FGF13: variants seen among roughly 807,000 people sequenced by gnomAD.
FGF13 encodes the protein fibroblast growth factor 13.
FGF13 carries 2 observed loss-of-function variants against 19.5 expected under a neutral mutation model. The ratio of observed to expected loss-of-function variants is 0.10; its 90% CI spans 0.04 to 0.32. The LOEUF is 0.32. Ranked by LOEUF, FGF13 falls within the 10% of genes least tolerant of loss-of-function variation. The pLI is 1.00. For synonymous variants in FGF13, 72 were observed against 76.9 expected (o/e 0.94, Z 0.33); for missense variants, 113 against 192.7 (o/e 0.59, Z 2.45).
chrX:138,695,797 A>G (rs1446817919), intron 3 of FGF13, among the ~76,000 whole-genome samples: 1 of 112,485 alleles, frequency 8.9e-6, no homozygotes, highest in African/African-American at 3.2e-5. Context: ...GTAAATATGT[A>G]TTGAGAAAAC....
At chrX:138,833,110 T>C (rs2091086746) in intron 3 of FGF13, among the ~76,000 whole-genome samples, 2 of 112,331 alleles carry the variant, frequency 1.8e-5, no homozygotes, top group Admixed American at 1.9e-4. Context: ...TGCCTCCTAC[T>C]TTGTTCTTTT....
chrX:139,190,648 G>A (rs1403818550), intron 1 of FGF13, among the ~76,000 whole-genome samples: 1 of 111,862 alleles, frequency 8.9e-6, no homozygotes, highest in Non-Finnish European at 1.9e-5. Context: ...AAGGATCTGT[G>A]GAGCATGGTG....
At chrX:138,933,455 A>G (rs2091715322) in intron 1 of FGF13, among the ~76,000 whole-genome samples, 1 of 111,288 alleles carries the variant, frequency 9.0e-6, no homozygotes, top group Admixed American at 9.5e-5. Flanking sequence ...TGGAGAGAGA[A>G]AAAGTTGTGT....
At chrX:139,138,355 T>C (rs954257277) in intron 1 of FGF13, among the ~76,000 whole-genome samples, 1 of 111,733 alleles carries the variant, frequency 8.9e-6, no homozygotes, top group East Asian at 2.8e-4. Context: ...GAAGCTATTA[T>C]AGAAACCAAT....
intron 1 of FGF13, among the ~76,000 whole-genome samples, chrX:139,088,821 A>C (rs149403629): frequency 0.025 from 2,742 of 111,753 alleles, 94 homozygotes; most frequent in African/African-American, 0.085. Context: ...CTCGAAGTTC[A>C]TGGCTTTTGG....
At position 139,050,936 on chromosome X, in the gene FGF13, T is replaced by C. The variant is rs747308709; in HGVS notation, c.-113+152480A>G. Among the ~76,000 whole-genome samples the C allele has an allele frequency of 2.9e-4, 33 of 112,100 alleles. No individual in the cohort carries two copies. The South Asian group carries it at 0.012, about 42-fold the overall frequency. On this transcript the variant is annotated intron_variant, in intron 1 of 2. Transcript: ENST00000421460. ...ATCTTTTATATAGGTGTGAGAAGCA[T>C]TGCCTCAACTTCAAATTCTTCAGTC...
intron 1 of FGF13, among the ~76,000 whole-genome samples, chrX:139,098,976 G>A (rs1288668903): frequency 1.8e-5 from 2 of 111,627 alleles, no homozygotes; most frequent in Non-Finnish European, 3.8e-5. Context: ...ACTCCCCTGA[G>A]TTAGCAACCT....
At chrX:139,130,902 C>G (rs1023611601) in intron 1 of FGF13, among the ~76,000 whole-genome samples, 1 of 111,195 alleles carries the variant, frequency 9.0e-6, no homozygotes, top group African/African-American at 3.3e-5. Flanking sequence ...ATTACGTTTT[C>G]GTATTAATAT....
intron 1 of FGF13, among the ~76,000 whole-genome samples, chrX:138,891,410 T>A (rs746991000): frequency 8.1e-5 from 9 of 111,574 alleles, no homozygotes; most frequent in Non-Finnish European, 1.5e-4. Context: ...TATTTCTGTA[T>A]CCTCATGTTG....
intron 3 of FGF13, among the ~76,000 whole-genome samples, chrX:138,791,760 G>T (rs1411215886): frequency 8.9e-6 from 1 of 111,883 alleles, no homozygotes; most frequent in East Asian, 2.8e-4. Context: ...GGAGCATTCA[G>T]CTAGAAAAGT....
intron 1 of FGF13, among the ~76,000 whole-genome samples, chrX:138,732,670 G>T: frequency 1.8e-5 from 2 of 111,121 alleles, no homozygotes; most frequent in Admixed American, 1.9e-4. Context: ...GGAATAAATT[G>T]CACGAGTATG....
intron 1 of FGF13, among the ~76,000 whole-genome samples, chrX:139,194,769 C>T (rs1341671581): frequency 8.9e-6 from 1 of 111,890 alleles, no homozygotes; most frequent in Admixed American, 9.3e-5. Context: ...CTGCAACGTG[C>T]CCGCGGTCTA....
At chrX:138,764,414 T>C (rs1301915823) in intron 3 of FGF13, among the ~76,000 whole-genome samples, 2 of 112,717 alleles carry the variant, frequency 1.8e-5, no homozygotes, top group Non-Finnish European at 3.7e-5. Context: ...AGGCATACAC[T>C]CTAGTGTAGG....
intron 3 of FGF13, among the ~76,000 whole-genome samples, chrX:138,775,749 AT>A (rs1213105596): frequency 8.9e-6 from 1 of 112,410 alleles, no homozygotes; most frequent in Non-Finnish European, 1.9e-5. Flanking sequence ...AGATCCTACG[AT>A]TTTTCTGCTG....
At chrX:138,686,498 T>C (rs1396005690) in intron 3 of FGF13, among the ~76,000 whole-genome samples, 3 of 112,016 alleles carry the variant, frequency 2.7e-5, no homozygotes, top group African/African-American at 9.7e-5. Flanking sequence ...TTCAGGGCTC[T>C]GAGACATATA....
At chrX:139,043,356 C>T (rs890063416) in intron 1 of FGF13, among the ~76,000 whole-genome samples, 3 of 110,423 alleles carry the variant, frequency 2.7e-5, no homozygotes, top group Non-Finnish European at 3.8e-5. Flanking sequence ...GGATTACAGG[C>T]GACTGCCACC....
intron 1 of FGF13, among the ~76,000 whole-genome samples, chrX:139,024,175 C>T (rs2092191578): frequency 9.0e-6 from 1 of 111,222 alleles, no homozygotes; most frequent in Non-Finnish European, 1.9e-5. Context: ...ACACATAGTG[C>T]CCCAAACATA....
intron 1 of FGF13, among the ~76,000 whole-genome samples, chrX:138,736,048 C>T: frequency 8.9e-6 from 1 of 112,005 alleles, no homozygotes; most frequent in Non-Finnish European, 1.9e-5. Context: ...TAGGCCATAC[C>T]CAGTGGCCCT....
At chrX:138,904,747 T>G (rs2091548902) in intron 1 of FGF13, among the ~76,000 whole-genome samples, 1 of 111,671 alleles carries the variant, frequency 9.0e-6, no homozygotes, top group Non-Finnish European at 1.9e-5. Context: ...GCAGCCAGGA[T>G]GAGAACCTCT....
Sources: gnomAD v4.1 joint callset for allele counts (sites outside exome capture counted in the v4.1 genomes callset) on GRCh38, gnomAD v4.1.1 for gene constraint, MANE v1.5 for transcripts, NCBI Gene and HGNC (gene_info 2026-07-23, HGNC 2026-07-21) for gene names.